Variants in ADCY9 observed in about 807,000 individuals in gnomAD.
The protein encoded by ADCY9 is adenylate cyclase type 9.
A neutral mutation model predicts 101.5 loss-of-function variants in ADCY9; 50 were observed. The observed-to-expected ratio is 0.49, with a 90% CI of 0.39 to 0.62. ADCY9 has a LOEUF of 0.62. Among genes scored for constraint, ADCY9 ranks in the 20% least tolerant of loss-of-function variants. ADCY9 has a pLI of 0.00. For synonymous variants in ADCY9, 905 were observed against 769.3 expected, an observed-to-expected ratio of 1.18 and a Z score of -2.92; for missense variants, 1,662 against 1,800.4, an observed-to-expected ratio of 0.92 and a Z score of 1.39.
intron 2 of ADCY9, among the ~76,000 whole-genome samples, chr16:4,028,794 T>C (rs1325926757): frequency 1.3e-5 from 2 of 152,110 alleles, no homozygotes; most frequent in Admixed American, 6.6e-5. Context: ...TTTTCTTTTT[T>C]TTTTCTTTGA....
intron 2 of ADCY9, among the ~76,000 whole-genome samples, chr16:4,065,986 G>A (rs1196409947): frequency 6.6e-6 from 1 of 152,230 alleles, no homozygotes; most frequent in Non-Finnish European, 1.5e-5. Flanking sequence ...TTACAGGCGT[G>A]AGCCTCCGCG....
intron 2 of ADCY9, among the ~76,000 whole-genome samples, chr16:4,019,057 C>A (rs891643074): frequency 6.6e-6 from 1 of 151,182 alleles, no homozygotes; most frequent in Non-Finnish European, 1.5e-5. Context: ...CTCACTGCAG[C>A]CTCGACGTCC....
intron 9 of ADCY9, among the ~76,000 whole-genome samples, chr16:3,975,788 A>C (rs963304553): frequency 2.6e-5 from 4 of 152,220 alleles, no homozygotes; most frequent in Non-Finnish European, 5.9e-5. Flanking sequence ...CAGTTATAGG[A>C]AAAGCCCAAT....
At chr16:4,018,509 G>A (rs1327570079) in intron 2 of ADCY9, among the ~76,000 whole-genome samples, 1 of 152,118 alleles carries the variant, frequency 6.6e-6, no homozygotes, top group South Asian at 2.1e-4. Context: ...CACCGCGCCC[G>A]GCTGATGCTG....
intron 6 of ADCY9, among the ~76,000 whole-genome samples, chr16:3,987,419 GC>G (rs1177096094): frequency 6.6e-6 from 1 of 152,244 alleles, no homozygotes; most frequent in Non-Finnish European, 1.5e-5. Flanking sequence ...TGGTTTGGCA[GC>G]CAGACCACTC....
chr16:3,980,858 C>G (rs1358580684), intron 7 of ADCY9, among the ~76,000 whole-genome samples: 1 of 152,224 alleles, frequency 6.6e-6, no homozygotes, highest in African/African-American at 2.4e-5. Flanking sequence ...GGCCTTCATG[C>G]TGGTCCCTGA....
At position 4,115,498 on chromosome 16, in the gene ADCY9, C is replaced by G; in HGVS notation, c.-43-13G>C. On this transcript the variant is annotated splice_polypyrimidine_tract_variant and intron_variant, in intron 1 of 10. Coordinates refer to ENST00000294016, the MANE Select transcript of ADCY9 (RefSeq NM_001116.4). The surrounding 1 kb of genome is among the most constrained non-coding windows in gnomAD (Gnocchi z 6.2). ...GGGTCACCAGTACCTGCCAGCAAAA[C>G]GGGGAGAGTTAGCGGCGCTCCCACC... 6.8e-7 allele frequency: 1 copy of G among 1,469,408 alleles called. No homozygotes were observed. The highest frequency in any genetic ancestry group is 2.5e-5 in the Admixed American group (1 of 40,598). 91.0% of individuals were successfully genotyped at this position (1,469,408 alleles called of 1,614,324 possible). A position where few individuals can be genotyped will look rare whatever the true frequency, so the allele number is the denominator to read the frequency against.
At chr16:4,065,051 C>A (rs970848267) in intron 2 of ADCY9, among the ~76,000 whole-genome samples, 1 of 152,172 alleles carries the variant, frequency 6.6e-6, no homozygotes, top group Admixed American at 6.5e-5. Flanking sequence ...TGTAGTACGT[C>A]CATCACCAGG....
chr16:4,105,040 A>G (rs930632849), intron 2 of ADCY9, among the ~76,000 whole-genome samples: 1 of 141,174 alleles, frequency 7.1e-6, no homozygotes, highest in Non-Finnish European at 1.5e-5. Flanking sequence ...CTGCACTCCA[A>G]TGTGGGCAAC....
intron 2 of ADCY9, among the ~76,000 whole-genome samples, chr16:4,052,682 A>G (rs774912778): frequency 2.6e-5 from 4 of 152,216 alleles, no homozygotes; most frequent in Non-Finnish European, 5.9e-5. Context: ...CTAGATATCA[A>G]CTAGCGTGTA....
chr16:3,993,915 G>C lies in ADCY9; in HGVS notation c.1885-405C>G, dbSNP rs137857332. Among the ~76,000 whole-genome samples, 31 of 152,288 alleles carry C rather than the reference G, an allele frequency of 2.0e-4. No homozygotes were observed. In the East Asian group the frequency reaches 5.8e-3, roughly 28 times the overall value. On this transcript the variant is annotated intron_variant, in intron 3 of 10. Transcript: ENST00000294016. ...AGATATTACGTGATCCCGTCTATGT[G>C]AAATATTCAGAAAAGGTGAATCCTT...
intron 2 of ADCY9, among the ~76,000 whole-genome samples, chr16:4,080,025 G>C (rs2141178081): frequency 6.6e-6 from 1 of 151,902 alleles, no homozygotes; most frequent in African/African-American, 2.4e-5. Flanking sequence ...ATTTACAAAG[G>C]AAAGAAAAAC....
At chr16:4,107,133 C>T (rs1025969937) in intron 2 of ADCY9, among the ~76,000 whole-genome samples, 3 of 152,300 alleles carry the variant, frequency 2.0e-5, no homozygotes, top group East Asian at 1.9e-4. Context: ...GCTTGAGTGT[C>T]GACTCTACTG....
At chr16:3,987,046 C>T (rs1054473825) in intron 6 of ADCY9, among the ~76,000 whole-genome samples, 4 of 152,262 alleles carry the variant, frequency 2.6e-5, no homozygotes, top group Non-Finnish European at 5.9e-5. Context: ...ACGAACCAGG[C>T]TCTTTGGTAT....
intron 10 of ADCY9, 91 bp downstream of exon 10, chr16:3,974,578 A>G: frequency 1.9e-6 from 2 of 1,044,448 alleles, no homozygotes; most frequent in East Asian, 4.8e-5. Flanking sequence ...CTTTTATTCA[A>G]GATCCCATTG....
At chr16:3,953,862 A>G (rs2055893947) in intron 5 of ADCY9, among the ~76,000 whole-genome samples, 1 of 152,248 alleles carries the variant, frequency 6.6e-6, no homozygotes, top group East Asian at 1.9e-4. Context: ...CAAAGTGACC[A>G]TCAGCACGGG....
At chr16:3,989,570 G>A (rs920532067) in intron 5 of ADCY9, among the ~76,000 whole-genome samples, 1 of 152,168 alleles carries the variant, frequency 6.6e-6, no homozygotes, top group African/African-American at 2.4e-5. Context: ...AGCAGACGCG[G>A]GGTTTCACCA....
chr16:4,061,085 A>G (rs1252649792), intron 2 of ADCY9, among the ~76,000 whole-genome samples: 4 of 152,166 alleles, frequency 2.6e-5, no homozygotes, highest in African/African-American at 9.6e-5. Context: ...ACTGTAATGA[A>G]AAGTTCACTA....
intron 5 of ADCY9, among the ~76,000 whole-genome samples, chr16:3,991,055 C>T (rs1439767193): frequency 6.6e-6 from 1 of 152,204 alleles, no homozygotes; most frequent in Non-Finnish European, 1.5e-5. Context: ...CTGCCTCGGC[C>T]TCCCAAAGTG....
Sources: allele counts gnomAD v4.1 joint callset (sites outside exome capture counted in the v4.1 genomes callset), GRCh38; gene constraint gnomAD v4.1.1; non-coding constraint Gnocchi (gnomAD v3.1); transcripts MANE v1.5; gene names NCBI Gene and HGNC (gene_info 2026-07-23, HGNC 2026-07-21).